CEP192: variants seen among roughly 807,000 people sequenced by gnomAD.
CEP192 encodes centrosomal protein 192, also known as centrosomal protein of 192 kDa.
In CEP192, 151 loss-of-function variants were observed where a neutral mutation model predicts 271.8. That is an observed-to-expected ratio of 0.56 (90% CI 0.49 to 0.64). CEP192 has a LOEUF of 0.64. Among genes scored for constraint, CEP192 ranks in the 30% least tolerant of loss-of-function variants. The pLI, the probability that CEP192 is intolerant of heterozygous loss-of-function variation, is 0.00. For missense variants in CEP192, 2,910 were observed against 3,020.5 expected (o/e 0.96, Z 0.86); for synonymous variants, 995 against 1,076.5 (o/e 0.92, Z 1.48).
intron 34 of CEP192, among the ~76,000 whole-genome samples, chr18:13,093,036 G>GT (rs2039226323): frequency 6.6e-6 from 1 of 152,166 alleles, no homozygotes; most frequent in South Asian, 2.1e-4. Context: ...GTGGGCACCT[G>GT]TAGTCCCAGC....
chr18:13,064,828 C>T (rs1015687068), intron 21 of CEP192, among the ~76,000 whole-genome samples: 2 of 151,934 alleles, frequency 1.3e-5, no homozygotes, highest in Admixed American at 6.6e-5. Context: ...TTTTGTGGTT[C>T]CATGTAAATT....
intron 31 of CEP192, 48 bp downstream of exon 31, chr18:13,087,325 TG>T: frequency 6.8e-7 from 1 of 1,469,574 alleles, no homozygotes; most frequent in East Asian, 2.3e-5. Context: ...ATTTTAAAAT[TG>T]TTAATAATTA....
chr18:13,069,709 T>C lies in CEP192; in HGVS notation c.5056-29T>C, dbSNP rs139861390. 2.3e-4 allele frequency: 299 copies of C among 1,323,038 alleles called. 5 individuals are homozygous for C. The East Asian group carries it at 6.8e-3, about 30-fold the overall frequency. 82.0% of individuals were successfully genotyped at this position (1,323,038 alleles called of 1,614,324 possible). A position where few individuals can be genotyped will look rare whatever the true frequency, so the allele number is the denominator to read the frequency against. ...AAAACTGCGTTTTTGTAAGTCGGCA[T>C]TCAATTATGATTATGTAACTATATT... On this transcript the variant is annotated intron_variant, in intron 26 of 44. Coordinates refer to ENST00000506447, the MANE Select transcript of CEP192 (RefSeq NM_032142.4).
chr18:13,067,340 G>A (rs2037765123), intron 21 of CEP192, among the ~76,000 whole-genome samples: 2 of 152,202 alleles, frequency 1.3e-5, no homozygotes, highest in South Asian at 4.1e-4. Context: ...ATGTGGGTGT[G>A]TGAGGGGTCT....
chr18:13,091,683 T>A (rs905672006), intron 33 of CEP192, among the ~76,000 whole-genome samples: 12 of 152,252 alleles, frequency 7.9e-5, no homozygotes, highest in Non-Finnish European at 1.6e-4. Flanking sequence ...AAAATTTCCA[T>A]GTCAAAATAT....
intron 38 of CEP192, among the ~76,000 whole-genome samples, chr18:13,100,986 C>T (rs1369115608): frequency 6.6e-6 from 1 of 152,002 alleles, no homozygotes; most frequent in African/African-American, 2.4e-5. Flanking sequence ...ATGGGCAGAC[C>T]CTGACTTACG....
At chr18:12,992,159 T>C (rs1395818671) in intron 1 of CEP192, among the ~76,000 whole-genome samples, 2 of 152,122 alleles carry the variant, frequency 1.3e-5, no homozygotes, top group Non-Finnish European at 2.9e-5. Context: ...TATGACCATA[T>C]TTCCATTTGC....
chr18:13,059,057 C>T (rs550463610), intron 20 of CEP192, 25 bp from the exon 21 acceptor site: 105 of 1,514,142 alleles, frequency 6.9e-5, no homozygotes, highest in South Asian at 3.7e-4. Context: ...CCATTAATAA[C>T]GAACTTTATG....
At chr18:13,083,401 C>A (rs1049260847) in intron 30 of CEP192, among the ~76,000 whole-genome samples, 1 of 152,178 alleles carries the variant, frequency 6.6e-6, no homozygotes, top group South Asian at 2.1e-4. Flanking sequence ...CCCACTTGAT[C>A]GAGTTGGCTA....
Position 13,055,988 on chromosome 18 carries a change from A to G in CEP192, c.3398A>G (p.Asp1133Gly), listed in dbSNP as rs1314325086. 6.2e-7 allele frequency: 1 copy of G among 1,614,206 alleles called. No homozygotes were observed. The highest frequency in any genetic ancestry group is 2.2e-5 in the East Asian group (1 of 44,884). The change falls in exon 19 of 45, where the codon GAC becomes GGC. Residue 1133 changes from aspartate (D) to glycine (G), a missense_variant. Transcript: ENST00000506447. ...AGCAAGCCTGAATATGTAAAACCTG[A>G]CTTTAGATGGAGTAAAGATCCTTCC... The part of the protein sequence containing the change: ...LSSKPEYVKP[D>G]FRWSKDPSSK...
At chr18:13,079,536 A>G (rs1311466379) in intron 30 of CEP192, among the ~76,000 whole-genome samples, 1 of 152,180 alleles carries the variant, frequency 6.6e-6, no homozygotes, top group Non-Finnish European at 1.5e-5. Context: ...TCTGGATATT[A>G]GCCCTTTGAC....
chr18:13,028,031 C>T (rs1466320462), intron 9 of CEP192, among the ~76,000 whole-genome samples: 1 of 152,164 alleles, frequency 6.6e-6, no homozygotes, highest in Non-Finnish European at 1.5e-5. Context: ...GGCCAAAAGT[C>T]TGAAATCAAG....
At chr18:13,085,087 A>G (rs961311006) in intron 30 of CEP192, among the ~76,000 whole-genome samples, 27 of 151,850 alleles carry the variant, frequency 1.8e-4, no homozygotes, top group African/African-American at 6.5e-4. Flanking sequence ...TGCCTCCCAA[A>G]GTGCTGGGAT....
At chr18:13,051,703 C>G (rs577276059) in intron 17 of CEP192, among the ~76,000 whole-genome samples, 84 of 152,160 alleles carry the variant, frequency 5.5e-4, no homozygotes, top group African/African-American at 2.0e-3. Flanking sequence ...GCCACCATGC[C>G]CAACTAATTT....
chr18:13,007,302 A>C (rs1044094207), intron 3 of CEP192, among the ~76,000 whole-genome samples: 5 of 152,066 alleles, frequency 3.3e-5, no homozygotes, highest in African/African-American at 1.2e-4. Flanking sequence ...CTTATGACTT[A>C]GTTTGAAAAT....
chr18:13,013,175 G>C lies in CEP192; in HGVS notation c.519+150G>C, dbSNP rs192855122. ...TTATCCAGCTTCAGTAAAAATGGGAGTTTCTCTCAAGTAATGAGAAGGTTC... is the reference window on the plus strand; with the variant it reads ...TTATCCAGCTTCAGTAAAAATGGGACTTTCTCTCAAGTAATGAGAAGGTTC... On this transcript the variant is annotated intron_variant, in intron 5 of 44. Coordinates refer to ENST00000506447, the MANE Select transcript of CEP192 (RefSeq NM_032142.4). 5 of 536,106 alleles carry C rather than the reference G, an allele frequency of 9.3e-6. No homozygotes were observed. The East Asian group carries it at 1.6e-4, about 17-fold the overall frequency. The allele number at this position is 536,106 out of a possible 1,614,324, so 33.2% of individuals were successfully genotyped here.
chr18:13,002,952 T>C (rs1215062682), intron 3 of CEP192, among the ~76,000 whole-genome samples: 2 of 152,246 alleles, frequency 1.3e-5, no homozygotes, highest in African/African-American at 4.8e-5. Context: ...GTGTGTAATT[T>C]TGACTGAGTG....
rs151083965 is a variant in CEP192 at position 13,015,510 on chromosome 18, T to G, written c.640+62T>G. 11,228 of 1,521,668 alleles carry G rather than the reference T, an allele frequency of 7.4e-3. 62 individuals are homozygous for G. The highest frequency in any genetic ancestry group is 9.2e-3 in the South Asian group (742 of 80,888). The allele number at this position is 1,521,668 out of a possible 1,614,324, so 94.3% of individuals were successfully genotyped here. On this transcript the variant is annotated intron_variant, in intron 6 of 44. Coordinates refer to ENST00000506447, the MANE Select transcript of CEP192 (RefSeq NM_032142.4). ...CTTGCCACTCCACTTTATTCTTCTT[T>G]GTTGCAGTAGTTATGATGCCAACTT...
At chr18:13,070,562 A>T (rs1364232436) in intron 27 of CEP192, among the ~76,000 whole-genome samples, 1 of 152,184 alleles carries the variant, frequency 6.6e-6, no homozygotes, top group African/African-American at 2.4e-5. Flanking sequence ...TCAGAGCCCC[A>T]CTGTCGTGAG....
Sources: allele counts gnomAD v4.1 joint callset (sites outside exome capture counted in the v4.1 genomes callset), GRCh38; gene constraint gnomAD v4.1.1; transcripts MANE v1.5; gene names NCBI Gene and HGNC (gene_info 2026-07-23, HGNC 2026-07-21).